CPA6: variants seen among roughly 807,000 people sequenced by gnomAD.
CPA6 encodes the protein carboxypeptidase A6.
Under a neutral mutation model 63.3 loss-of-function variants are expected in CPA6, and 58 were observed. The observed-to-expected ratio is 0.92, with a 90% confidence interval of 0.74 to 1.14. CPA6 has a LOEUF of 1.14. Among genes scored for constraint, CPA6 ranks in the 50% most tolerant of loss-of-function variants. CPA6 has a pLI of 0.00. For missense variants in CPA6, 565 were observed against 526.6 expected, an observed-to-expected ratio of 1.07 and a Z score of -0.71; for synonymous variants, 185 against 179.0, an observed-to-expected ratio of 1.03 and a Z score of -0.27.
At chr8:67,548,933 A>G (rs975356209) in intron 2 of CPA6, among the ~76,000 whole-genome samples, 5 of 152,186 alleles carry the variant, frequency 3.3e-5, no homozygotes, top group African/African-American at 1.2e-4. Flanking sequence ...GGGACTAGGG[A>G]CTGTGCATCC....
intron 1 of CPA6, among the ~76,000 whole-genome samples, chr8:67,689,676 T>C (rs1162038668): frequency 1.3e-5 from 2 of 152,232 alleles, no homozygotes; most frequent in Non-Finnish European, 2.9e-5. Flanking sequence ...AATCCACTGT[T>C]ACTGGGCACC....
intron 2 of CPA6, among the ~76,000 whole-genome samples, chr8:67,606,101 A>G (rs1587625822): frequency 6.9e-6 from 1 of 145,502 alleles, no homozygotes; most frequent in East Asian, 2.2e-4. Flanking sequence ...CAAACACCGC[A>G]TGTTCTCACT....
chr8:67,590,215 G>A (rs1474889559), intron 2 of CPA6, among the ~76,000 whole-genome samples: 1 of 151,972 alleles, frequency 6.6e-6, no homozygotes, highest in African/African-American at 2.4e-5. Context: ...CAAAGGACAT[G>A]AACTCATCAT....
At position 67,710,753 on chromosome 8, in the gene CPA6, G is replaced by T. The variant is rs373545616; in HGVS notation, c.116+35261C>A. On this transcript the variant is annotated intron_variant, in intron 1 of 10. Transcript: ENST00000297770. ...CAAAGGGGGTCTGTTTAGTCTGTTG[G>T]GGGGGGCTTAGAATTTTATTTTTGG... Among the ~76,000 whole-genome samples the T allele has an allele frequency of 6.9e-4, 104 of 151,148 alleles. 3 individuals carry two copies. In the South Asian group the frequency reaches 0.012, roughly 17 times the overall value.
intron 2 of CPA6, among the ~76,000 whole-genome samples, chr8:67,557,542 C>T (rs13277276): frequency 0.64 from 96,728 of 151,916 alleles, 31,282 homozygotes; most frequent in Non-Finnish European, 0.7. Context: ...ACCAGCAACA[C>T]TGTACAGCTT....
At chr8:67,600,067 T>C (rs1280067792) in intron 2 of CPA6, among the ~76,000 whole-genome samples, 1 of 118,776 alleles carries the variant, frequency 8.4e-6, no homozygotes, top group Non-Finnish European at 1.9e-5. Flanking sequence ...GACACATTTC[T>C]TTTTTTTTTT....
intron 2 of CPA6, among the ~76,000 whole-genome samples, chr8:67,565,927 T>C (rs1333855255): frequency 6.6e-6 from 1 of 152,156 alleles, no homozygotes; most frequent in African/African-American, 2.4e-5. Context: ...AGGGTCACCA[T>C]GACAAGGGAA....
chr8:67,432,041 C>T lies in CPA6; in HGVS notation c.1041+1997G>A, dbSNP rs141172189. On this transcript the variant is annotated intron_variant, in intron 9 of 10. Coordinates refer to ENST00000297770, the MANE Select transcript of CPA6 (RefSeq NM_020361.5). ...ACTTGGTCCTTGTCCTGGTTCTTGG[C>T]ACACAGTTTCTAAAAACTCCTGGCA... Among the ~76,000 whole-genome samples, 676 of 152,210 alleles carry T rather than the reference C, an allele frequency of 4.4e-3. 2 individuals are homozygous for T. Among genetic ancestry groups the T allele is most frequent in the African/African-American group, 0.015 (641 of 41,492 alleles).
chr8:67,615,149 C>T (rs1347626414), intron 2 of CPA6, among the ~76,000 whole-genome samples: 1 of 152,096 alleles, frequency 6.6e-6, no homozygotes, highest in Non-Finnish European at 1.5e-5. Flanking sequence ...CAACATTGAC[C>T]TCTAAAACCA....
At chr8:67,573,891 CAAAAAAAAAAAAAAAAA>C (rs34145304) in intron 2 of CPA6, among the ~76,000 whole-genome samples, 7 of 33,486 alleles carry the variant, frequency 2.1e-4, no homozygotes, top group Non-Finnish European at 3.5e-4. Flanking sequence ...GACTCCGTCT[CAAAAAAAAAAAAAAAAA>C]AAAAAAAAAA....
At chr8:67,533,836 G>A (rs1428854318) in intron 2 of CPA6, among the ~76,000 whole-genome samples, 1 of 152,130 alleles carries the variant, frequency 6.6e-6, no homozygotes, top group Non-Finnish European at 1.5e-5. Flanking sequence ...TTACTCTGAA[G>A]CACTGGCCCA....
Position 67,506,813 on chromosome 8 carries a change from C to T in CPA6, c.610G>A (p.Ala204Thr). Residue 204 changes from alanine to threonine, a missense_variant, in exon 6 of 11, where the codon GCC becomes ACC. Coordinates refer to ENST00000297770, the MANE Select transcript of CPA6 (RefSeq NM_020361.5). ...TCTTTTACAAACCACTGACAAAAGG[C>T]AGGACCAATCCATTCTCTTGCATGA... ...GIHAREWIGP[A>T]FCQWFVKEAL... is the part of the protein sequence containing the mutation. 6.2e-7 allele frequency: 1 copy of T among 1,612,964 alleles called. No individual in the cohort carries two copies. The highest frequency in any genetic ancestry group is 1.1e-5 in the South Asian group (1 of 91,048).
intron 1 of CPA6, among the ~76,000 whole-genome samples, chr8:67,742,952 T>A (rs1485987132): frequency 6.6e-6 from 1 of 152,178 alleles, no homozygotes; most frequent in Non-Finnish European, 1.5e-5. Flanking sequence ...TAATTTTCTG[T>A]GACGCAGAAG....
intron 1 of CPA6, among the ~76,000 whole-genome samples, chr8:67,690,837 A>G (rs1816800303): frequency 6.6e-6 from 1 of 152,234 alleles, no homozygotes; most frequent in Non-Finnish European, 1.5e-5. Context: ...AGTGTGGGAT[A>G]TATTTCAAGC....
intron 1 of CPA6, among the ~76,000 whole-genome samples, chr8:67,659,256 A>G (rs1255765784): frequency 1.3e-5 from 2 of 152,200 alleles, no homozygotes; most frequent in African/African-American, 4.8e-5. Flanking sequence ...TAGAGTTCAA[A>G]TTCAGATTAC....
At chr8:67,691,520 G>T (rs780239975) in intron 1 of CPA6, among the ~76,000 whole-genome samples, 1 of 152,260 alleles carries the variant, frequency 6.6e-6, no homozygotes, top group South Asian at 2.1e-4. Context: ...CTGAGAAGGT[G>T]GTGGGAAGAC....
At chr8:67,615,144 T>C (rs145579549) in intron 2 of CPA6, among the ~76,000 whole-genome samples, 150 of 152,278 alleles carry the variant, frequency 9.9e-4, no homozygotes, top group African/African-American at 3.2e-3. Context: ...CTCAGCAACA[T>C]TGACCTCTAA....
chr8:67,686,245 T>A (rs1816706709), intron 1 of CPA6, among the ~76,000 whole-genome samples: 1 of 152,208 alleles, frequency 6.6e-6, no homozygotes, highest in Non-Finnish European at 1.5e-5. Context: ...ACCTCTGTCA[T>A]CAAGCAGTGC....
chr8:67,536,589 T>C (rs552529809), intron 2 of CPA6, among the ~76,000 whole-genome samples: 1 of 152,068 alleles, frequency 6.6e-6, no homozygotes, highest in African/African-American at 2.4e-5. Context: ...GCTTAAGGAG[T>C]TTTTGGGCTG....
Sources: allele counts gnomAD v4.1 joint callset (sites outside exome capture counted in the v4.1 genomes callset), GRCh38; gene constraint gnomAD v4.1.1; transcripts MANE v1.5; gene names NCBI Gene and HGNC (gene_info 2026-07-23, HGNC 2026-07-21).